CEMIP: variants seen among roughly 807,000 people sequenced by gnomAD.
CEMIP encodes the protein cell migration inducing hyaluronidase 1.
A neutral mutation model predicts 156.9 loss-of-function variants in CEMIP; 105 were observed. The ratio of observed to expected loss-of-function variants is 0.67; its 90% CI spans 0.57 to 0.79. The LOEUF (loss-of-function observed/expected upper bound fraction) is 0.79. Among genes scored for constraint, CEMIP ranks in the 30% least tolerant of loss-of-function variants. The pLI, the probability that CEMIP is intolerant of heterozygous loss-of-function variation, is 0.00. For synonymous variants in CEMIP, 676 were observed against 668.4 expected, an observed-to-expected ratio of 1.01 and a Z score of -0.17; for missense variants, 1,457 against 1,769.4, an observed-to-expected ratio of 0.82 and a Z score of 3.17.
chr15:80,947,360 T>C (rs1025812337), intron 29 of CEMIP: 1 of 400,788 alleles, frequency 2.5e-6, no homozygotes, highest in Admixed American at 3.7e-5. Flanking sequence ...TCAACAAAAG[T>C]ATCATAAGAA....
chr15:80,801,046 C>G (rs1896362951), intron 1 of CEMIP, among the ~76,000 whole-genome samples: 1 of 152,220 alleles, frequency 6.6e-6, no homozygotes, highest in Non-Finnish European at 1.5e-5. Flanking sequence ...TGCCATCTTG[C>G]TGCTGTAAAT....
chr15:80,936,980 A>G (rs1319763404), intron 24 of CEMIP, 95 bp downstream of exon 24: 1 of 1,180,746 alleles, frequency 8.5e-7, no homozygotes, highest in Non-Finnish European at 1.3e-6. Flanking sequence ...ACCACAGGCT[A>G]GCCCATGTGA....
In CEMIP at chr15:80,928,947, A is replaced by T; in HGVS notation, c.2456+10A>T. ...GCCTGACCCTGGCCAGGTAAGGGCA[A>T]CTGTCATTGTACTTGGTCCTCTGTG... On this transcript the variant is annotated intron_variant, in intron 20 of 29. Transcript: ENST00000394685. 1 of 1,614,226 alleles carries T rather than the reference A, an allele frequency of 6.2e-7. No individual in the cohort carries two copies.
At chr15:80,896,933 A>G (rs1383849503) in intron 12 of CEMIP, among the ~76,000 whole-genome samples, 1 of 152,210 alleles carries the variant, frequency 6.6e-6, no homozygotes, top group Non-Finnish European at 1.5e-5. Flanking sequence ...ATCTTTAAGA[A>G]CCATGCTTAG....
chr15:80,817,304 G>A (rs962049072), intron 1 of CEMIP, among the ~76,000 whole-genome samples: 1 of 152,066 alleles, frequency 6.6e-6, no homozygotes, highest in African/African-American at 2.4e-5. Flanking sequence ...TGATGTGTGA[G>A]TAGGCTGGGC....
chr15:80,903,668 G>A (rs28662403), intron 12 of CEMIP, among the ~76,000 whole-genome samples: 6,642 of 152,280 alleles, frequency 0.044, 493 homozygotes, highest in African/African-American at 0.15. Context: ...GACTGAGCCT[G>A]TTGCTCTCTG....
At chr15:80,864,784 A>C (rs998769319) in intron 1 of CEMIP, among the ~76,000 whole-genome samples, 2 of 152,188 alleles carry the variant, frequency 1.3e-5, no homozygotes, top group Non-Finnish European at 2.9e-5. Flanking sequence ...AGATTTAGTT[A>C]ATACTCTGTA....
chr15:80,818,415 A>G (rs544317680), intron 1 of CEMIP, among the ~76,000 whole-genome samples: 1 of 152,370 alleles, frequency 6.6e-6, no homozygotes, highest in Non-Finnish European at 1.5e-5. Flanking sequence ...CAAACTTATC[A>G]TGGGCCCAAA....
chr15:80,881,730 A>G (rs1898667048), intron 6 of CEMIP, among the ~76,000 whole-genome samples: 2 of 152,190 alleles, frequency 1.3e-5, no homozygotes. Flanking sequence ...AAGTCACTGA[A>G]AGTCTTTAAG....
intron 19 of CEMIP, among the ~76,000 whole-genome samples, chr15:80,926,980 A>G (rs374215126): frequency 7.2e-5 from 11 of 152,110 alleles, no homozygotes; most frequent in East Asian, 1.9e-4. Flanking sequence ...ACAAGCGTGC[A>G]CCACCACGCC....
intron 1 of CEMIP, among the ~76,000 whole-genome samples, chr15:80,812,806 T>G (rs1896700868): frequency 6.6e-6 from 1 of 152,186 alleles, no homozygotes; most frequent in Non-Finnish European, 1.5e-5. Context: ...GAGAAAACAC[T>G]GGAATGAAAG....
intron 1 of CEMIP, among the ~76,000 whole-genome samples, chr15:80,851,421 C>T (rs981823051): frequency 7.2e-5 from 11 of 152,132 alleles, no homozygotes; most frequent in African/African-American, 1.4e-4. Flanking sequence ...GCCAGGCCCT[C>T]GATCACAGAT....
chr15:80,786,932 CT>C (rs1346991041), intron 1 of CEMIP, among the ~76,000 whole-genome samples: 11 of 152,294 alleles, frequency 7.2e-5, no homozygotes, highest in Admixed American at 7.2e-4. Context: ...AACTTGCATC[CT>C]TTTTCATTGA....
At chr15:80,783,677 T>G (rs1028112084) in intron 1 of CEMIP, among the ~76,000 whole-genome samples, 7 of 152,202 alleles carry the variant, frequency 4.6e-5, no homozygotes, top group Non-Finnish European at 7.3e-5. Context: ...ACTGTCATGG[T>G]GACTTTTATT....
chr15:80,867,747 C>T (rs1211005351), intron 1 of CEMIP, among the ~76,000 whole-genome samples: 1 of 152,194 alleles, frequency 6.6e-6, no homozygotes, highest in Admixed American at 6.5e-5. Context: ...ATTGTTCTGT[C>T]TCCCATTTCC....
intron 1 of CEMIP, among the ~76,000 whole-genome samples, chr15:80,838,303 C>T (rs577191071): frequency 6.6e-6 from 1 of 152,250 alleles, no homozygotes; most frequent in African/African-American, 2.4e-5. Flanking sequence ...GGCAGGGACC[C>T]TGCTGGCCCG....
rs79363187 is a variant in CEMIP at position 80,897,431 on chromosome 15, T to G, written c.1411+1371T>G. The stretch of plus-strand genomic sequence containing the variant: ...ATGGGGGAGGCGGACCTAGAGGTCA[T>G]GTGGTGGAGGCAGTCCACAAACAAT... On this transcript the variant is annotated intron_variant, in intron 12 of 29. Transcript: ENST00000394685. 2.0e-3 allele frequency: 883 copies of G among 443,464 alleles called. 7 individuals carry two copies. Among genetic ancestry groups the G allele is most frequent in the African/African-American group, 0.016 (804 of 49,930 alleles). 27.5% of individuals were successfully genotyped at this position (443,464 alleles called of 1,614,324 possible). A position where few individuals can be genotyped will look rare whatever the true frequency, so the allele number is the denominator to read the frequency against.
chr15:80,873,875 C>A lies in CEMIP; in HGVS notation c.-5C>A, dbSNP rs762339511. ...TGCTTCTCTTTCAGGGAGCACACTG[C>A]CAGGATGGGAGCTGCTGGGAGGCAG... On this transcript the variant is annotated 5_prime_UTR_variant, in exon 3 of 30. Coordinates refer to ENST00000394685, the MANE Select transcript of CEMIP (RefSeq NM_001293298.2). The A allele has an allele frequency of 1.3e-6, 2 of 1,574,556 alleles. No homozygotes were observed. Among genetic ancestry groups the A allele is most frequent in the Non-Finnish European group, 1.7e-6 (2 of 1,158,376 alleles).
chr15:80,865,912 A>G (rs1006488103), intron 1 of CEMIP, among the ~76,000 whole-genome samples: 4 of 152,184 alleles, frequency 2.6e-5, no homozygotes, highest in Non-Finnish European at 4.4e-5. Context: ...GCACAGGGGT[A>G]TGGGACTGGG....
Sources: gnomAD v4.1 joint callset for allele counts (sites outside exome capture counted in the v4.1 genomes callset) on GRCh38, gnomAD v4.1.1 for gene constraint, MANE v1.5 for transcripts, NCBI Gene and HGNC (gene_info 2026-07-23, HGNC 2026-07-21) for gene names.